Variants in SMIM31 observed in about 807,000 individuals in gnomAD.
SMIM31 encodes human epithelial cell program regulator.
intron 2 of SMIM31, among the ~76,000 whole-genome samples, chr4:164,793,855 A>G (rs1733140533): frequency 1.3e-5 from 2 of 152,156 alleles, no homozygotes; most frequent in African/African-American, 2.4e-5. Context: ...TTAACTCAAA[A>G]TGGGTTAAAG....
chr4:164,770,815 T>TA (rs1473306792), intron 2 of SMIM31, among the ~76,000 whole-genome samples: 1 of 113,472 alleles, frequency 8.8e-6, no homozygotes, highest in Non-Finnish European at 2.1e-5. Context: ...AAAAACCCAG[T>TA]ACCACATTTT....
At chr4:164,770,333 A>C (rs1732777744) in intron 1 of SMIM31, 86 bp from the exon 2 acceptor site, 1 of 396,656 alleles carries the variant, frequency 2.5e-6, no homozygotes, top group South Asian at 1.4e-4. Flanking sequence ...CAAATCTCAC[A>C]CATGTTGAAT....
chr4:164,764,353 G>T lies in SMIM31; in HGVS notation c.-25-6066G>T, dbSNP rs1732691690. 2.0e-5 allele frequency among the ~76,000 whole-genome samples: 3 copies of T among 152,014 alleles called. No individual in the cohort carries two copies. In the South Asian group the frequency reaches 6.2e-4, roughly 32 times the overall value. On this transcript the variant is annotated intron_variant, in intron 1 of 2. Transcript: ENST00000507311. ...GGAGGCCGAGGCGGGCAGATCATGA[G>T]GTCAAGAGATCAAGACCATCCTGGC...
intron 2 of SMIM31, among the ~76,000 whole-genome samples, chr4:164,791,946 T>A (rs1227067766): frequency 6.6e-6 from 1 of 152,206 alleles, no homozygotes; most frequent in Non-Finnish European, 1.5e-5. Context: ...TGAGAACATG[T>A]GGTATCTGGT....
At chr4:164,788,515 G>A (rs1015561309) in intron 2 of SMIM31, among the ~76,000 whole-genome samples, 1 of 45,568 alleles carries the variant, frequency 2.2e-5, no homozygotes, top group African/African-American at 6.9e-5. Flanking sequence ...TTGAGACGGA[G>A]TTTCGCTCTG....
chr4:164,791,762 A>G (rs1733104266), intron 2 of SMIM31, among the ~76,000 whole-genome samples: 1 of 152,070 alleles, frequency 6.6e-6, no homozygotes, highest in African/African-American at 2.4e-5. Flanking sequence ...TTTATTGTGG[A>G]GTGGTGAAGT....
intron 1 of SMIM31, among the ~76,000 whole-genome samples, chr4:164,758,848 T>G (rs1385539822): frequency 1.1e-4 from 13 of 123,318 alleles, no homozygotes; most frequent in African/African-American, 4.1e-4. Context: ...TTTTGTATTT[T>G]TAGTAGAGAC....
chr4:164,792,301 T>A (rs1289113400), intron 2 of SMIM31, among the ~76,000 whole-genome samples: 4 of 152,208 alleles, frequency 2.6e-5, no homozygotes, highest in African/African-American at 9.6e-5. Context: ...TTTTTAAAGA[T>A]GTGTAGGAAC....
In SMIM31 at chr4:164,758,622, C is replaced by CTTTTTTTTT. The variant is rs779023276; in HGVS notation, c.-26+4218_-26+4219insTTTTTTTTT. 2.4e-4 allele frequency among the ~76,000 whole-genome samples: 25 copies of CTTTTTTTTT among 105,388 alleles called. 2 individuals carry two copies. The highest frequency in any genetic ancestry group is 3.9e-4 in the Admixed American group (3 of 7,764). The allele number at this position is 105,388 out of a possible 152,430, so 69.1% of individuals were successfully genotyped here. A position where few individuals can be genotyped will look rare whatever the true frequency, so the allele number is the denominator to read the frequency against. On this transcript the variant is annotated intron_variant, in intron 1 of 2. Coordinates refer to ENST00000507311, the MANE Select transcript of SMIM31 (RefSeq NM_001352885.1). ...GGAAATGACCATATATGTAGTTTTCCTTTTTTTGTTTTTTTTTTTTTTTTT... is the reference window on the plus strand; with the variant it reads ...GGAAATGACCATATATGTAGTTTTCCTTTTTTTTTTTTTTTTGTTTTTTTTTTTTTTTTT...
At chr4:164,762,814 G>A (rs993662765) in intron 1 of SMIM31, among the ~76,000 whole-genome samples, 1 of 152,152 alleles carries the variant, frequency 6.6e-6, no homozygotes, top group Non-Finnish European at 1.5e-5. Flanking sequence ...AAGCATCGGA[G>A]CTACACAGTT....
chr4:164,779,008 A>T (rs76909301), intron 2 of SMIM31, among the ~76,000 whole-genome samples: 3 of 151,502 alleles, frequency 2.0e-5, no homozygotes, highest in Non-Finnish European at 2.9e-5. Context: ...AAAAAAAAAA[A>T]CTCCAGCGCA....
chr4:164,797,755 G>T (rs182716840), intron 2 of SMIM31, among the ~76,000 whole-genome samples: 1 of 152,028 alleles, frequency 6.6e-6, no homozygotes, highest in Non-Finnish European at 1.5e-5. Context: ...GAGCCACCGC[G>T]CCTGGCCTAA....
chr4:164,785,710 A>G (rs1579070968), intron 2 of SMIM31, among the ~76,000 whole-genome samples: 1 of 151,898 alleles, frequency 6.6e-6, no homozygotes, highest in East Asian at 1.9e-4. Flanking sequence ...TGCAATGCAT[A>G]TATTTACATA....
At chr4:164,771,010 T>C (rs539234703) in intron 2 of SMIM31, among the ~76,000 whole-genome samples, 1 of 152,334 alleles carries the variant, frequency 6.6e-6, no homozygotes, top group South Asian at 2.1e-4. Flanking sequence ...TTTATTTGTG[T>C]ATATGTGTGT....
chr4:164,796,449 T>G (rs149236558), intron 2 of SMIM31, among the ~76,000 whole-genome samples: 2,162 of 152,288 alleles, frequency 0.014, 27 homozygotes, highest in Non-Finnish European at 0.022. Flanking sequence ...CTCCTCTCTA[T>G]CGGTACACAT....
At chr4:164,783,737 C>A (rs1009702300) in intron 2 of SMIM31, among the ~76,000 whole-genome samples, 1 of 151,840 alleles carries the variant, frequency 6.6e-6, no homozygotes, top group Non-Finnish European at 1.5e-5. Flanking sequence ...AGCAACACAG[C>A]GAGACCACAT....
rs1012548242 is a variant in SMIM31, at chr4:164,782,246, C to T, written c.112+11691C>T. The stretch of plus-strand genomic sequence containing the variant: ...CAGAGGTTGCAGTGAGCCGAGACCG[C>T]GCCATTGCACTCCACCTGGGCAACC... On this transcript the variant is annotated intron_variant, in intron 2 of 2. Coordinates refer to ENST00000507311, the MANE Select transcript of SMIM31 (RefSeq NM_001352885.1). Among the ~76,000 whole-genome samples the T allele has an allele frequency of 4.6e-5, 7 of 151,322 alleles. No homozygotes were observed. The East Asian group carries it at 5.9e-4, about 13-fold the overall frequency.
chr4:164,793,419 A>G (rs987013154), intron 2 of SMIM31, among the ~76,000 whole-genome samples: 3 of 152,208 alleles, frequency 2.0e-5, no homozygotes, highest in Admixed American at 6.5e-5. Context: ...ATGAAGTTGG[A>G]CCTTCATCTT....
intron 1 of SMIM31, among the ~76,000 whole-genome samples, chr4:164,755,559 G>A (rs1369847203): frequency 2.9e-4 from 11 of 37,876 alleles, no homozygotes; most frequent in African/African-American, 9.3e-4. Flanking sequence ...GGGAGGGGAG[G>A]GGAGGGGAGG....
Sources: gnomAD v4.1 joint callset for allele counts (sites outside exome capture counted in the v4.1 genomes callset) on GRCh38, gnomAD v4.1.1 for gene constraint, MANE v1.5 for transcripts, NCBI Gene and HGNC (gene_info 2026-07-23, HGNC 2026-07-21) for gene names.